PTPN1: variants seen among roughly 807,000 people sequenced by gnomAD.
The protein encoded by PTPN1 is tyrosine-protein phosphatase non-receptor type 1.
In PTPN1, 12 loss-of-function variants were observed where a neutral mutation model predicts 59.9. The ratio of observed to expected loss-of-function variants is 0.20; its 90% confidence interval spans 0.13 to 0.32. The LOEUF is 0.32. Among genes scored for constraint, PTPN1 ranks in the 10% least tolerant of loss-of-function variants. The probability of loss-of-function intolerance (pLI) is 1.00; values close to 1 mark genes in which losing one functional copy is unlikely to be tolerated. For synonymous variants in PTPN1, 178 were observed against 203.6 expected, an observed-to-expected ratio of 0.87 and a Z score of 1.07; for missense variants, 356 against 549.2, an observed-to-expected ratio of 0.65 and a Z score of 3.52.
chr20:50,563,951 A>G (rs2082766172), intron 2 of PTPN1, among the ~76,000 whole-genome samples: 1 of 152,230 alleles, frequency 6.6e-6, no homozygotes, highest in African/African-American at 2.4e-5. Flanking sequence ...TCTAAAAACT[A>G]AAAGGTAAAT....
intron 1 of PTPN1, among the ~76,000 whole-genome samples, chr20:50,547,671 T>G (rs2082681874): frequency 6.6e-6 from 1 of 152,198 alleles, no homozygotes; most frequent in South Asian, 2.1e-4. Context: ...CGTGTTAAAA[T>G]TTTTCAGTGG....
At chr20:50,531,611 A>G (rs2082601410) in intron 1 of PTPN1, among the ~76,000 whole-genome samples, 1 of 152,162 alleles carries the variant, frequency 6.6e-6, no homozygotes, top group Admixed American at 6.5e-5. Context: ...TCCTGACCTC[A>G]GGTGATCTGT....
intron 1 of PTPN1, chr20:50,557,733 G>A (rs1168214145): frequency 2.0e-5 from 3 of 152,060 alleles, no homozygotes; most frequent in East Asian, 1.9e-4. Flanking sequence ...GGCTCTTCGC[G>A]GGCATGATCC....
At chr20:50,533,102 T>G (rs1256663026) in intron 1 of PTPN1, among the ~76,000 whole-genome samples, 2 of 152,070 alleles carry the variant, frequency 1.3e-5, no homozygotes, top group Non-Finnish European at 2.9e-5. Context: ...CTCTCCTGAT[T>G]TTGAAATAAA....
chr20:50,544,489 A>G (rs779758979), intron 1 of PTPN1, among the ~76,000 whole-genome samples: 1 of 152,208 alleles, frequency 6.6e-6, no homozygotes, highest in Non-Finnish European at 1.5e-5. Flanking sequence ...ATAAGTTGGA[A>G]AAGTGATTTC....
At chr20:50,579,139 C>T in intron 6 of PTPN1, 29 bp from the exon 7 acceptor site, 1 of 1,611,166 alleles carries the variant, frequency 6.2e-7, no homozygotes, top group African/African-American at 1.3e-5. Context: ...TTGGACCTGG[C>T]TGACTTATAT....
At chr20:50,554,481 A>T (rs932873728) in intron 1 of PTPN1, among the ~76,000 whole-genome samples, 2 of 151,906 alleles carry the variant, frequency 1.3e-5, no homozygotes, top group African/African-American at 4.8e-5. Context: ...AGACTAGCAT[A>T]AAAAAAAGGA....
intron 1 of PTPN1, among the ~76,000 whole-genome samples, chr20:50,549,569 A>G (rs909882547): frequency 6.6e-6 from 1 of 152,142 alleles, no homozygotes; most frequent in Non-Finnish European, 1.5e-5. Flanking sequence ...TGCCTTTTCA[A>G]TGCTGACCAG....
At chr20:50,570,014 G>T (rs1247239208) in intron 4 of PTPN1, among the ~76,000 whole-genome samples, 8 of 152,258 alleles carry the variant, frequency 5.3e-5, no homozygotes, top group Admixed American at 5.2e-4. Context: ...GCCAGGTCCA[G>T]GCTCAGCTAG....
At chr20:50,581,018 C>T (rs1464604409) in intron 8 of PTPN1, among the ~76,000 whole-genome samples, 1 of 152,118 alleles carries the variant, frequency 6.6e-6, no homozygotes, top group Non-Finnish European at 1.5e-5. Flanking sequence ...CCTTGTGAAC[C>T]CTACCCTGGG....
At chr20:50,511,557 T>A (rs1178781556) in intron 1 of PTPN1, among the ~76,000 whole-genome samples, 1 of 152,186 alleles carries the variant, frequency 6.6e-6, no homozygotes, top group African/African-American at 2.4e-5. Context: ...ATGAGCAGCT[T>A]AGTCTTTGGT....
chr20:50,581,387 G>A lies in PTPN1; in HGVS notation c.1211G>A (p.Ser404Asn), dbSNP rs1400455774. 1 of 1,614,086 alleles carries A rather than the reference G, an allele frequency of 6.2e-7. No individual in the cohort carries two copies. Among genetic ancestry groups the A allele is most frequent in the Non-Finnish European group, 8.5e-7 (1 of 1,179,920 alleles). ...GAGAAGGACGAGGACCATGCACTGA[G>A]TTACTGGAAGCCCTTCCTGGTCAAC... ...LPEKDEDHAL[S>N]YWKPFLVNMC... Residue 404 changes from serine (S) to asparagine (N), a missense_variant, in exon 9 of 10, where the codon AGT (serine) becomes AAT (asparagine). By Grantham distance (46) the Ser-to-Asn change is conservative (BLOSUM62 1). Around this residue, in one of 3 missense-constraint regions of PTPN1, gnomAD observed 62 missense variants for 97.2 expected, o/e 0.64. Transcript: ENST00000371621.
chr20:50,562,740 A>C (rs2082758974), intron 2 of PTPN1, among the ~76,000 whole-genome samples: 1 of 152,198 alleles, frequency 6.6e-6, no homozygotes, highest in African/African-American at 2.4e-5. Flanking sequence ...TTTAAAAACA[A>C]AAACAAAAAA....
chr20:50,545,796 G>A lies in PTPN1; in HGVS notation c.64-15567G>A, dbSNP rs536703208. Among the ~76,000 whole-genome samples the A allele has an allele frequency of 2.4e-4, 36 of 152,148 alleles. No homozygotes were observed. The South Asian group carries it at 3.7e-3, about 16-fold the overall frequency. On this transcript the variant is annotated intron_variant, in intron 1 of 9. Transcript: ENST00000371621. Reference sequence around the variant, plus strand: ...TTTGGGAGGCCAAGGCAGGCAGATCGCTTGAGCCCAGGAGTTCAAGACCAG... The same window carrying A: ...TTTGGGAGGCCAAGGCAGGCAGATCACTTGAGCCCAGGAGTTCAAGACCAG...
chr20:50,561,553 C>A, intron 2 of PTPN1, 100 bp downstream of exon 2: 1 of 700,312 alleles, frequency 1.4e-6, no homozygotes, highest in South Asian at 2.1e-5. Context: ...AATAATAAAT[C>A]AATGTAGCAG....
At chr20:50,527,965 A>T (rs1300175307) in intron 1 of PTPN1, among the ~76,000 whole-genome samples, 1 of 152,110 alleles carries the variant, frequency 6.6e-6, no homozygotes, top group Non-Finnish European at 1.5e-5. Context: ...CTCACCCAGG[A>T]TGTAGCATCG....
At chr20:50,511,973 T>C (rs2082509736) in intron 1 of PTPN1, among the ~76,000 whole-genome samples, 2 of 151,954 alleles carry the variant, frequency 1.3e-5, no homozygotes, top group African/African-American at 4.8e-5. Context: ...ACAAAAGCCT[T>C]TTTTTTTGGC....
chr20:50,557,633 CTGT>C (rs1407156597), intron 1 of PTPN1: 1 of 152,098 alleles, frequency 6.6e-6, no homozygotes, highest in Non-Finnish European at 1.5e-5. Context: ...AACATTATTT[CTGT>C]TGTTAATAAT....
At chr20:50,578,327 A>T in intron 5 of PTPN1, 93 bp from the exon 6 acceptor site, 1 of 896,496 alleles carries the variant, frequency 1.1e-6, no homozygotes, top group Non-Finnish European at 1.7e-6. Flanking sequence ...TCTTAGAGGT[A>T]GAGAGTGGAA....
Sources: gnomAD v4.1 joint callset for allele counts (sites outside exome capture counted in the v4.1 genomes callset) on GRCh38, gnomAD v4.1.1 for gene constraint, gnomAD v4.1.1 regional missense constraint, MANE v1.5 for transcripts, NCBI Gene and HGNC (gene_info 2026-07-23, HGNC 2026-07-21) for gene names.